FGD5: variants seen among roughly 807,000 people sequenced by gnomAD.
FGD5 encodes FYVE, RhoGEF and PH domain-containing protein 5.
FGD5 carries 28 observed loss-of-function variants against 133.4 expected under a neutral mutation model. The ratio of observed to expected loss-of-function variants is 0.21; its 90% CI spans 0.16 to 0.29. FGD5 has a LOEUF of 0.29. Among genes scored for constraint, FGD5 ranks in the 10% least tolerant of loss-of-function variants. FGD5 has a pLI of 1.00. For synonymous variants in FGD5, 810 were observed against 776.5 expected (o/e 1.04, Z -0.72); for missense variants, 1,858 against 1,895.2 (o/e 0.98, Z 0.36).
intron 19 of FGD5, among the ~76,000 whole-genome samples, 155 bp from the exon 20 acceptor site, chr3:14,932,976 A>G (rs751075650): frequency 2.6e-5 from 4 of 152,196 alleles, no homozygotes; most frequent in Non-Finnish European, 5.9e-5. Flanking sequence ...CCTTTTGCTG[A>G]ATATAGAAAA....
At chr3:14,841,404 A>G (rs943909040) in intron 1 of FGD5, among the ~76,000 whole-genome samples, 2 of 152,310 alleles carry the variant, frequency 1.3e-5, no homozygotes, top group Non-Finnish European at 2.9e-5. Flanking sequence ...GCTTAGGAAC[A>G]TGGGGAGCCG....
chr3:14,922,224 A>T lies in FGD5; in HGVS notation c.3670-187A>T. The T allele has an allele frequency of 9.7e-7, 1 of 1,027,214 alleles. No individual in the cohort carries two copies. The highest frequency in any genetic ancestry group is 1.4e-6 in the Non-Finnish European group (1 of 707,820). 63.6% of individuals were successfully genotyped at this position (1,027,214 alleles called of 1,614,324 possible). ...GCCCAGCACCCACAGTCTTGTTCTC[A>T]CAGTCTGGCTGTTTCCCAACCAAGG... On this transcript the variant is annotated intron_variant, in intron 14 of 19. Transcript: ENST00000285046. This position sits in a 1 kb window ranked among gnomAD's most constrained non-coding sequence, Gnocchi z 4.1.
Position 14,820,446 on chromosome 3 carries a change from A to G in FGD5, c.1375A>G (p.Lys459Glu), listed in dbSNP as rs1553622307. ...ASDALGGYGS[K>E]EELNCEAEGG... ...GGACGCCCTGGGTGGTTATGGCTCG[A>G]AAGAAGAATTGAACTGTGAGGCAGA... is the stretch of plus-strand genomic sequence containing the variant. Residue 459 changes from lysine to glutamate, a missense_variant, in exon 1 of 20, where the codon AAA becomes GAA. Coordinates refer to ENST00000285046, the MANE Select transcript of FGD5 (RefSeq NM_152536.4). The G allele has an allele frequency of 6.2e-7, 1 of 1,613,300 alleles. No individual in the cohort carries two copies. The highest frequency in any genetic ancestry group is 1.1e-5 in the South Asian group (1 of 91,076).
At chr3:14,813,535 TA>T (rs1365916580) in intron 1 of FGD5, among the ~76,000 whole-genome samples, 2 of 152,208 alleles carry the variant, frequency 1.3e-5, no homozygotes, top group Non-Finnish European at 2.9e-5. Context: ...AGGGGGAGTA[TA>T]GTGAACTGCA....
chr3:14,842,171 C>T (rs1331255599), intron 1 of FGD5, among the ~76,000 whole-genome samples: 2 of 152,230 alleles, frequency 1.3e-5, no homozygotes, highest in African/African-American at 4.8e-5. Flanking sequence ...CCAAGGGGAG[C>T]TTCTCCTTAA....
chr3:14,819,778 A>G lies in FGD5; in HGVS notation c.707A>G (p.Asp236Gly). Residue 236 changes from aspartate to glycine, a missense_variant, in exon 1 of 20, where the codon GAC (aspartate) becomes GGC (glycine). Transcript: ENST00000285046. This position sits in a 1 kb window ranked among gnomAD's most constrained non-coding sequence, Gnocchi z 4.1. ...GGGGCAGATGAGGGTTCGGGTCCTG[A>G]CAGGCCCACGGAGGACATGGGACAG... is the stretch of plus-strand genomic sequence containing the variant. ...PAGADEGSGP[D>G]RPTEDMGQDA... is the part of the protein sequence containing the mutation. 1 of 1,556,034 alleles carries G rather than the reference A, an allele frequency of 6.4e-7. No homozygotes were observed.
chr3:14,889,279 GT>G (rs2037980822), intron 4 of FGD5, among the ~76,000 whole-genome samples: 1 of 152,160 alleles, frequency 6.6e-6, no homozygotes, highest in Non-Finnish European at 1.5e-5. Context: ...CCTCCCAAAG[GT>G]TACCACTGTT....
chr3:14,926,223 CCTCTCCTCTCTCCT>C, intron 18 of FGD5, 25 bp downstream of exon 18: 3 of 1,611,198 alleles, frequency 1.9e-6, no homozygotes, highest in Non-Finnish European at 2.5e-6. Flanking sequence ...CACTCTCTCC[CCTCTCCTCTCTCCT>C]GTGAAATGAC....
chr3:14,829,830 T>C (rs1222812118), intron 1 of FGD5, among the ~76,000 whole-genome samples: 4 of 152,206 alleles, frequency 2.6e-5, no homozygotes, highest in Non-Finnish European at 1.5e-5. Context: ...CACCTGTCAG[T>C]GCACCCCCAG....
chr3:14,852,576 T>C (rs1376159061), intron 1 of FGD5, among the ~76,000 whole-genome samples: 1 of 152,202 alleles, frequency 6.6e-6, no homozygotes, highest in African/African-American at 2.4e-5. Flanking sequence ...TTTCATGATA[T>C]GTGACTCATA....
At chr3:14,846,142 G>A (rs2037047494) in intron 1 of FGD5, among the ~76,000 whole-genome samples, 1 of 152,220 alleles carries the variant, frequency 6.6e-6, no homozygotes, top group South Asian at 2.1e-4. Context: ...CACCTGTCGT[G>A]TTAATTGAAC....
intron 9 of FGD5, among the ~76,000 whole-genome samples, 175 bp downstream of exon 9, chr3:14,901,236 G>A (rs560754384): frequency 2.6e-5 from 4 of 152,308 alleles, no homozygotes; most frequent in Admixed American, 6.5e-5. Flanking sequence ...GACCTCAGGC[G>A]CTGTGTGCCC....
Position 14,854,420 on chromosome 3 carries a change from T to G in FGD5, c.2526-9708T>G, listed in dbSNP as rs867334929. 7.4e-4 allele frequency among the ~76,000 whole-genome samples: 98 copies of G among 132,702 alleles called. No homozygotes were observed. The Middle Eastern group carries it at 0.029, about 39-fold the overall frequency. The allele number at this position is 132,702 out of a possible 152,430, so 87.1% of individuals were successfully genotyped here. On this transcript the variant is annotated intron_variant, in intron 1 of 19. Transcript: ENST00000285046. ...TTATTTATTTATTTATTTATTTATT[T>G]ATTTATTTATTTATTGAGACGAGCT...
At chr3:14,921,059 G>T (rs986764982) in intron 13 of FGD5, among the ~76,000 whole-genome samples, 2 of 152,226 alleles carry the variant, frequency 1.3e-5, no homozygotes, top group African/African-American at 4.8e-5. Context: ...CGATCCACAC[G>T]TGGGCCTTCA....
chr3:14,924,069 A>G lies in FGD5; in HGVS notation c.3999A>G (p.Ser1333=). 2 of 1,613,990 alleles carry G rather than the reference A, an allele frequency of 1.2e-6. No individual in the cohort carries two copies. Among genetic ancestry groups the G allele is most frequent in the Non-Finnish European group, 1.7e-6 (2 of 1,179,904 alleles). ...SSPRFSGSAF[S]SVFQSINPST... ...CCCGCTTCTCGGGCAGTGCCTTTTCATCCGTCTTCCAGAGCATTAACCCCT... is the reference window on the plus strand; with the variant it reads ...CCCGCTTCTCGGGCAGTGCCTTTTCGTCCGTCTTCCAGAGCATTAACCCCT... Residue 1333 remains serine, a synonymous_variant, in exon 17 of 20, where the codon TCA becomes TCG. Coordinates refer to ENST00000285046, the MANE Select transcript of FGD5 (RefSeq NM_152536.4).
intron 18 of FGD5, among the ~76,000 whole-genome samples, chr3:14,928,235 G>A (rs978586638): frequency 4.1e-5 from 5 of 121,228 alleles, no homozygotes; most frequent in Non-Finnish European, 9.5e-5. Flanking sequence ...CACCACACCT[G>A]GCCAATTTTT....
At chr3:14,844,217 A>ATATATAT (rs1250952913) in intron 1 of FGD5, among the ~76,000 whole-genome samples, 1 of 20,362 alleles carries the variant, frequency 4.9e-5, no homozygotes, top group Non-Finnish European at 8.5e-5. Context: ...AAAAAAAAAA[A>ATATATAT]ATATATATAT....
chr3:14,830,335 A>G (rs2036682481), intron 1 of FGD5, among the ~76,000 whole-genome samples: 1 of 152,252 alleles, frequency 6.6e-6, no homozygotes, highest in African/African-American at 2.4e-5. Flanking sequence ...GACCATCTGC[A>G]GCTGTTTCTT....
chr3:14,826,144 T>C (rs1414180658), intron 1 of FGD5, among the ~76,000 whole-genome samples: 2 of 152,110 alleles, frequency 1.3e-5, no homozygotes, highest in Non-Finnish European at 1.5e-5. Flanking sequence ...CATTTTGTTA[T>C]GAAAATGTTC....
Sources: gnomAD v4.1 joint callset for allele counts (sites outside exome capture counted in the v4.1 genomes callset) on GRCh38, gnomAD v4.1.1 for gene constraint, Gnocchi (gnomAD v3.1) non-coding constraint, MANE v1.5 for transcripts, NCBI Gene and HGNC (gene_info 2026-07-23, HGNC 2026-07-21) for gene names.